SCFD2: variants seen among roughly 807,000 people sequenced by gnomAD.
SCFD2 encodes sec1 family domain containing 2.
SCFD2 carries 54 observed loss-of-function variants against 58.9 expected under a neutral mutation model. The observed-to-expected ratio is 0.92, with a 90% confidence interval of 0.74 to 1.15. SCFD2 has a LOEUF of 1.15. Ranked by LOEUF, SCFD2 falls within the 50% of genes most tolerant of loss-of-function variation. The probability of loss-of-function intolerance (pLI) is 0.00; values close to 1 mark genes in which losing one functional copy is unlikely to be tolerated. For synonymous variants in SCFD2, 321 were observed against 335.9 expected (o/e 0.96, Z 0.49); for missense variants, 805 against 836.6 (o/e 0.96, Z 0.47).
intron 5 of SCFD2, among the ~76,000 whole-genome samples, chr4:53,067,875 C>T (rs1334991001): frequency 6.6e-6 from 1 of 152,022 alleles, no homozygotes; most frequent in Non-Finnish European, 1.5e-5. Context: ...AATAGTCTGC[C>T]TGGTCTATGA....
intron 6 of SCFD2, among the ~76,000 whole-genome samples, chr4:52,908,532 G>T (rs1039731367): frequency 2.0e-5 from 3 of 152,144 alleles, no homozygotes; most frequent in Non-Finnish European, 4.4e-5. Flanking sequence ...TTCTAACAGG[G>T]CACAGTTGAG....
intron 4 of SCFD2, among the ~76,000 whole-genome samples, chr4:53,261,184 T>C (rs988290985): frequency 6.6e-6 from 1 of 152,150 alleles, no homozygotes; most frequent in African/African-American, 2.4e-5. Flanking sequence ...TTTTGTTTCA[T>C]TTATCTTTTG....
intron 6 of SCFD2, among the ~76,000 whole-genome samples, chr4:52,913,797 G>C (rs1267713769): frequency 6.6e-6 from 1 of 152,210 alleles, no homozygotes; most frequent in African/African-American, 2.4e-5. Context: ...GAATGAGAGA[G>C]AGAGTATGAA....
intron 3 of SCFD2, among the ~76,000 whole-genome samples, chr4:53,298,192 C>G (rs1234696653): frequency 2.0e-5 from 3 of 152,148 alleles, no homozygotes; most frequent in Non-Finnish European, 4.4e-5. Context: ...ATTCCCTTTC[C>G]TAGTCAAAGA....
At chr4:53,109,536 T>C (rs1173106823) in intron 5 of SCFD2, among the ~76,000 whole-genome samples, 5 of 152,092 alleles carry the variant, frequency 3.3e-5, no homozygotes, top group African/African-American at 9.7e-5. Flanking sequence ...GGATAAAAAA[T>C]CAATGTGCAA....
At chr4:52,897,799 T>G (rs866747800) in intron 7 of SCFD2, among the ~76,000 whole-genome samples, 34 of 152,318 alleles carry the variant, frequency 2.2e-4, no homozygotes, top group Middle Eastern at 6.8e-3. Context: ...CTTTTTTTGG[T>G]TGGTAAGCTA....
chr4:52,904,101 C>T (rs1719288550), intron 7 of SCFD2, among the ~76,000 whole-genome samples: 1 of 152,208 alleles, frequency 6.6e-6, no homozygotes, highest in Non-Finnish European at 1.5e-5. Context: ...TCTCACCAGC[C>T]TCTCAATCTG....
At chr4:53,106,832 C>T (rs576422486) in intron 5 of SCFD2, among the ~76,000 whole-genome samples, 3 of 152,078 alleles carry the variant, frequency 2.0e-5, no homozygotes, top group Admixed American at 2.0e-4. Flanking sequence ...ACTTCCCCAA[C>T]CTAGCAAGAC....
chr4:53,134,207 T>C (rs1299591563), intron 5 of SCFD2, among the ~76,000 whole-genome samples: 3 of 152,206 alleles, frequency 2.0e-5, no homozygotes, highest in African/African-American at 7.2e-5. Flanking sequence ...TGCTAATCAA[T>C]GGGCATAAAG....
chr4:53,322,930 T>C (rs78719269), intron 2 of SCFD2, among the ~76,000 whole-genome samples: 29 of 152,310 alleles, frequency 1.9e-4, no homozygotes, highest in African/African-American at 7.0e-4. Context: ...AAAGAGTTAG[T>C]GACAGTTTTA....
At chr4:53,363,390 C>G (rs569940807) in intron 1 of SCFD2, among the ~76,000 whole-genome samples, 22 of 152,136 alleles carry the variant, frequency 1.4e-4, no homozygotes, top group African/African-American at 5.1e-4. Context: ...CTCAAGCAGT[C>G]TGCCCCCCTC....
At chr4:53,176,384 C>T (rs547233645) in intron 4 of SCFD2, among the ~76,000 whole-genome samples, 12 of 151,744 alleles carry the variant, frequency 7.9e-5, no homozygotes, top group Non-Finnish European at 1.6e-4. Context: ...CTCCTTAAGC[C>T]TCTTAGAGCT....
intron 4 of SCFD2, among the ~76,000 whole-genome samples, chr4:53,234,692 C>T (rs532785601): frequency 3.3e-5 from 5 of 152,170 alleles, no homozygotes; most frequent in African/African-American, 9.6e-5. Context: ...CAGAATCTGG[C>T]GACGTTTAAG....
chr4:53,059,013 G>T (rs978606481), intron 5 of SCFD2, among the ~76,000 whole-genome samples: 5 of 152,106 alleles, frequency 3.3e-5, no homozygotes, highest in African/African-American at 1.2e-4. Context: ...CAGGAATCGC[G>T]GTACCAGGAG....
intron 5 of SCFD2, among the ~76,000 whole-genome samples, chr4:53,102,316 AAATTCCTCTAT>A (rs377547915): frequency 4.6e-5 from 7 of 152,264 alleles, no homozygotes; most frequent in African/African-American, 1.7e-4. Context: ...TTTGATGGAT[AAATTCCTCTAT>A]AATTCCTCTA....
chr4:53,294,950 G>T (rs1027000217), intron 3 of SCFD2, among the ~76,000 whole-genome samples: 18 of 152,192 alleles, frequency 1.2e-4, no homozygotes, highest in African/African-American at 4.3e-4. Flanking sequence ...GATGGTTGCA[G>T]ATGTGTGGTG....
At chr4:53,177,967 C>G (rs1307897903) in intron 4 of SCFD2, among the ~76,000 whole-genome samples, 1 of 152,196 alleles carries the variant, frequency 6.6e-6, no homozygotes, top group Non-Finnish European at 1.5e-5. Flanking sequence ...GGGCGCCCGC[C>G]ATTTTCGGGT....
At chr4:53,110,266 T>C (rs1366286182) in intron 5 of SCFD2, among the ~76,000 whole-genome samples, 2 of 152,164 alleles carry the variant, frequency 1.3e-5, no homozygotes, top group East Asian at 3.9e-4. Context: ...ATATTAAATG[T>C]AAGACCTAAC....
intron 5 of SCFD2, among the ~76,000 whole-genome samples, chr4:52,994,123 G>A (rs1721687440): frequency 6.6e-6 from 1 of 152,174 alleles, no homozygotes. Flanking sequence ...GAATGGTTGG[G>A]GGAGAAATGA....
Sources: allele counts gnomAD v4.1 joint callset (sites outside exome capture counted in the v4.1 genomes callset), GRCh38; gene constraint gnomAD v4.1.1; transcripts MANE v1.5; gene names NCBI Gene and HGNC (gene_info 2026-07-23, HGNC 2026-07-21).